LHFPL6: variants seen among roughly 807,000 people sequenced by gnomAD.
The protein encoded by LHFPL6 is LHFPL tetraspan subfamily member 6.
In LHFPL6, 9 loss-of-function variants were observed where a neutral mutation model predicts 20.6. The observed-to-expected ratio is 0.44, with a 90% CI of 0.26 to 0.76. The LOEUF is 0.76. Among genes scored for constraint, LHFPL6 ranks in the 30% least tolerant of loss-of-function variants. The pLI is 0.20. For synonymous variants in LHFPL6, 105 were observed against 98.7 expected, an observed-to-expected ratio of 1.06 and a Z score of -0.38; for missense variants, 218 against 253.5, an observed-to-expected ratio of 0.86 and a Z score of 0.95.
At chr13:39,519,250 A>T (rs984012594) in intron 2 of LHFPL6, among the ~76,000 whole-genome samples, 2 of 116,234 alleles carry the variant, frequency 1.7e-5, no homozygotes, top group Non-Finnish European at 4.0e-5. Context: ...AAATAAAAAT[A>T]AAAAAAAAAT....
chr13:39,382,351 C>T (rs190735720), intron 2 of LHFPL6, among the ~76,000 whole-genome samples: 5 of 152,310 alleles, frequency 3.3e-5, no homozygotes, highest in Admixed American at 3.3e-4. Flanking sequence ...TTTCTACCGG[C>T]AAGCAGCCAA....
At chr13:39,554,353 G>A (rs887307495) in intron 2 of LHFPL6, among the ~76,000 whole-genome samples, 9 of 151,890 alleles carry the variant, frequency 5.9e-5, no homozygotes, top group East Asian at 5.8e-4. Context: ...CTCTTTAATC[G>A]CTAAAGAGGA....
chr13:39,538,455 T>C (rs1165766246), intron 2 of LHFPL6, among the ~76,000 whole-genome samples: 2 of 148,428 alleles, frequency 1.3e-5, no homozygotes, highest in Non-Finnish European at 3.0e-5. Flanking sequence ...AACTTCCAGT[T>C]TAAGTAAATC....
rs939595704 is a variant in LHFPL6, at chr13:39,600,872, C to A, written c.345G>T (p.Arg115Ser). Residue 115 changes from arginine (R) to serine (S), a missense_variant, in exon 2 of 4, where the codon AGG (arginine) becomes AGT (serine). By Grantham distance (110) the Arg-to-Ser change is moderately radical. Coordinates refer to ENST00000379589, the MANE Select transcript of LHFPL6 (RefSeq NM_005780.3). ...TTCCTCCAGCCACTCTTCCCACTGTCCTGGAGATGAGGTCGGAAACACAGC... is the reference window on the plus strand; with the variant it reads ...TTCCTCCAGCCACTCTTCCCACTGTACTGGAGATGAGGTCGGAAACACAGC... The part of the protein sequence containing the change: ...MGCCVSDLIS[R>S]TVGRVAGGIQ... 6.5e-7 allele frequency: 1 copy of A among 1,536,116 alleles called. No individual in the cohort carries two copies. The highest frequency in any genetic ancestry group is 8.8e-7 in the Non-Finnish European group (1 of 1,139,526).
intron 2 of LHFPL6, among the ~76,000 whole-genome samples, chr13:39,567,252 C>A (rs1871753366): frequency 6.6e-6 from 1 of 152,108 alleles, no homozygotes; most frequent in African/African-American, 2.4e-5. Flanking sequence ...TTCAAAATTT[C>A]TTATAAAATC....
intron 2 of LHFPL6, among the ~76,000 whole-genome samples, chr13:39,478,633 G>A (rs1868391863): frequency 1.3e-5 from 2 of 152,142 alleles, no homozygotes. Context: ...GTAAAATAAA[G>A]TAGATGGCCC....
chr13:39,542,245 A>G (rs1870830893), intron 2 of LHFPL6, among the ~76,000 whole-genome samples: 2 of 152,048 alleles, frequency 1.3e-5, no homozygotes, highest in South Asian at 4.2e-4. Flanking sequence ...CACCTGAATA[A>G]TAGTTATGTG....
At chr13:39,595,809 A>G (rs1872754556) in intron 2 of LHFPL6, among the ~76,000 whole-genome samples, 1 of 152,186 alleles carries the variant, frequency 6.6e-6, no homozygotes, top group African/African-American at 2.4e-5. Flanking sequence ...CATTAGTCAA[A>G]GCTGATTTAA....
chr13:39,431,319 T>A (rs890453655), intron 2 of LHFPL6, among the ~76,000 whole-genome samples: 3 of 151,524 alleles, frequency 2.0e-5, no homozygotes, highest in Non-Finnish European at 4.4e-5. Flanking sequence ...TCCAGACACA[T>A]CTGAACATCT....
At chr13:39,560,762 A>T (rs4941935) in intron 2 of LHFPL6, among the ~76,000 whole-genome samples, 1 of 151,962 alleles carries the variant, frequency 6.6e-6, no homozygotes, top group Admixed American at 6.5e-5. Context: ...TGATCCGCCC[A>T]CCTCGGCCTC....
chr13:39,498,857 ACTT>A, intron 2 of LHFPL6, among the ~76,000 whole-genome samples: 1 of 152,058 alleles, frequency 6.6e-6, no homozygotes, highest in Non-Finnish European at 1.5e-5. Context: ...TTTTCCCCAA[ACTT>A]CTTTTTCTTT....
At chr13:39,530,628 GA>G (rs1870436725) in intron 2 of LHFPL6, among the ~76,000 whole-genome samples, 2 of 152,078 alleles carry the variant, frequency 1.3e-5, no homozygotes, top group South Asian at 4.2e-4. Context: ...ATAACCATTG[GA>G]TGAACCTCAG....
At chr13:39,383,632 G>C (rs1367689932) in intron 2 of LHFPL6, among the ~76,000 whole-genome samples, 1 of 152,210 alleles carries the variant, frequency 6.6e-6, no homozygotes. Context: ...CCTTAAGCCT[G>C]ATGGTGCTTG....
intron 2 of LHFPL6, among the ~76,000 whole-genome samples, chr13:39,541,217 T>C (rs1025726298): frequency 3.3e-5 from 5 of 152,188 alleles, no homozygotes; most frequent in Non-Finnish European, 7.3e-5. Flanking sequence ...ACTGAGTAAA[T>C]GGATCTCATG....
chr13:39,452,000 T>C (rs1032347524), intron 2 of LHFPL6, among the ~76,000 whole-genome samples: 1 of 152,034 alleles, frequency 6.6e-6, no homozygotes, highest in African/African-American at 2.4e-5. Context: ...ACCAGGGCCA[T>C]GAACTGAATG....
At chr13:39,548,473 C>G (rs1825609332) in intron 2 of LHFPL6, among the ~76,000 whole-genome samples, 1 of 152,056 alleles carries the variant, frequency 6.6e-6, no homozygotes, top group Admixed American at 6.5e-5. Flanking sequence ...TCAGCAGCTG[C>G]CGTAGACTAG....
chr13:39,600,595 G>C (rs1193194172), intron 2 of LHFPL6, among the ~76,000 whole-genome samples: 2 of 152,190 alleles, frequency 1.3e-5, no homozygotes, highest in Non-Finnish European at 2.9e-5. Context: ...TTTCACATAG[G>C]TGGCACTTAG....
intron 3 of LHFPL6, among the ~76,000 whole-genome samples, chr13:39,359,123 C>T (rs141313443): frequency 2.7e-4 from 41 of 152,270 alleles, no homozygotes; most frequent in East Asian, 5.8e-4. Context: ...GATCACACCA[C>T]GTACTCCAGC....
chr13:39,460,169 T>C (rs555429593), intron 2 of LHFPL6, among the ~76,000 whole-genome samples: 2 of 152,300 alleles, frequency 1.3e-5, no homozygotes, highest in African/African-American at 2.4e-5. Context: ...CACCATACGA[T>C]GCTTAGTAGT....
Sources: allele counts gnomAD v4.1 joint callset (sites outside exome capture counted in the v4.1 genomes callset), GRCh38; gene constraint gnomAD v4.1.1; transcripts MANE v1.5; gene names NCBI Gene and HGNC (gene_info 2026-07-23, HGNC 2026-07-21).